Variants in KIAA0586 observed in about 807,000 individuals in gnomAD.
KIAA0586 encodes the protein KIAA0586, also known as protein TALPID3.
In KIAA0586, 144 loss-of-function variants were observed where a neutral mutation model predicts 169.8. That is an observed-to-expected ratio of 0.85 (90% CI 0.74 to 0.97). KIAA0586 has a LOEUF of 0.97. Among genes scored for constraint, KIAA0586 ranks in the 50% least tolerant of loss-of-function variants. The pLI is 0.00. For synonymous variants in KIAA0586, 625 were observed against 612.4 expected (o/e 1.02, Z -0.30); for missense variants, 1,854 against 1,823.0 (o/e 1.02, Z -0.31).
chr14:58,500,941 C>T (rs867038817), intron 27 of KIAA0586, among the ~76,000 whole-genome samples: 14 of 152,282 alleles, frequency 9.2e-5, no homozygotes, highest in Middle Eastern at 3.4e-3. Context: ...TTAAGTTTTT[C>T]ACCACTCTGT....
At position 58,477,120 on chromosome 14, in the gene KIAA0586, C is replaced by T; in HGVS notation, c.2826-3C>T. On this transcript the variant is annotated splice_polypyrimidine_tract_variant and splice_region_variant and intron_variant, in intron 19 of 30. Coordinates refer to ENST00000652326, the MANE Select transcript of KIAA0586 (RefSeq NM_001329943.3). The stretch of plus-strand genomic sequence containing the variant: ...ACTTTTATCTGCCCCACCATCCTCT[C>T]AGGGTAGAGCAAGAAATAATGTCAA... 1.3e-6 allele frequency: 2 copies of T among 1,499,664 alleles called. No individual in the cohort carries two copies. The highest frequency in any genetic ancestry group is 9.1e-7 in the Non-Finnish European group (1 of 1,094,740). The allele number at this position is 1,499,664 out of a possible 1,614,324, so 92.9% of individuals were successfully genotyped here.
At chr14:58,526,631 A>G (rs1265564694) in intron 29 of KIAA0586, among the ~76,000 whole-genome samples, 1 of 152,210 alleles carries the variant, frequency 6.6e-6, no homozygotes, top group African/African-American at 2.4e-5. Flanking sequence ...GAAAATTCCC[A>G]AAACCAGAAC....
intron 6 of KIAA0586, among the ~76,000 whole-genome samples, chr14:58,447,096 G>A (rs2038958631): frequency 6.6e-6 from 1 of 152,122 alleles, no homozygotes; most frequent in Non-Finnish European, 1.5e-5. Flanking sequence ...TACTTATAAA[G>A]CTTATAATTA....
At chr14:58,560,221 C>G in the KIAA0586 span, among the ~76,000 whole-genome samples, 10 of 151,802 alleles carry the variant, frequency 6.6e-5, no homozygotes, top group South Asian at 2.1e-3. Context: ...TGGGAGGGCC[C>G]AGGTGATTCT....
chr14:58,522,416 A>G (rs1169311652), intron 29 of KIAA0586, among the ~76,000 whole-genome samples: 2 of 152,228 alleles, frequency 1.3e-5, no homozygotes, highest in African/African-American at 4.8e-5. Context: ...AGTTAGAAGT[A>G]TGTGTATTAC....
In KIAA0586 at chr14:58,477,123, G is replaced by T; in HGVS notation, c.2826G>T (p.Trp942Cys). 6.6e-7 allele frequency: 1 copy of T among 1,523,152 alleles called. No individual in the cohort carries two copies. The highest frequency in any genetic ancestry group is 9.0e-7 in the Non-Finnish European group (1 of 1,115,228). The allele number at this position is 1,523,152 out of a possible 1,614,324, so 94.4% of individuals were successfully genotyped here. The stretch of plus-strand genomic sequence containing the variant: ...TTTATCTGCCCCACCATCCTCTCAG[G>T]GTAGAGCAAGAAATAATGTCAAGAA... Reference protein sequence around the residue: ...KETLENSLIQWVEQEIMSRII... With the variant: ...KETLENSLIQCVEQEIMSRII... Residue 942 changes from tryptophan to cysteine, a missense_variant and splice_region_variant, in exon 20 of 31, where the codon TGG becomes TGT. Coordinates refer to ENST00000652326, the MANE Select transcript of KIAA0586 (RefSeq NM_001329943.3).
intron 14 of KIAA0586, among the ~76,000 whole-genome samples, chr14:58,461,419 T>C (rs1435435887): frequency 6.6e-6 from 1 of 152,038 alleles, no homozygotes; most frequent in Non-Finnish European, 1.5e-5. Context: ...AATTTTTATT[T>C]AGGAGAAAAT....
chr14:58,530,423 G>A (rs1015200510), intron 29 of KIAA0586, among the ~76,000 whole-genome samples: 3 of 152,108 alleles, frequency 2.0e-5, no homozygotes, highest in Admixed American at 6.5e-5. Context: ...GAGGCATCAC[G>A]CTACCTGACT....
At position 58,474,760 on chromosome 14, in the gene KIAA0586, G is replaced by A; in HGVS notation, c.2788G>A (p.Glu930Lys). ...PTADILDKVI[E>K]RKETLENSLI... ...TGCTGATATTCTGGATAAAGTAATT[G>A]AGAGAAAAGAAACACTGGAAAATAG... Residue 930 changes from glutamate to lysine, a missense_variant, in exon 19 of 31, where the codon GAG becomes AAG. By Grantham distance (56) the Glu-to-Lys change is moderately conservative. Coordinates refer to ENST00000652326, the MANE Select transcript of KIAA0586 (RefSeq NM_001329943.3). The A allele has an allele frequency of 1.2e-6, 2 of 1,608,992 alleles. No individual in the cohort carries two copies. The highest frequency in any genetic ancestry group is 2.2e-5 in the South Asian group (2 of 89,658).
intron 29 of KIAA0586, chr14:58,536,889 C>T (rs998924898): frequency 2.5e-4 from 61 of 248,762 alleles, no homozygotes; most frequent in African/African-American, 1.4e-3. Flanking sequence ...AATTTCTAGT[C>T]AGCATTGCTC....
intron 6 of KIAA0586, among the ~76,000 whole-genome samples, chr14:58,447,981 C>A (rs367796554): frequency 6.0e-4 from 92 of 152,236 alleles, no homozygotes; most frequent in African/African-American, 2.2e-3. Flanking sequence ...GTTTAAAATT[C>A]TCTGATTCAA....
At position 58,461,017 on chromosome 14, in the gene KIAA0586, A is replaced by G. The variant is rs1210187670; in HGVS notation, c.1916A>G (p.Asp639Gly). Residue 639 changes from aspartate (D) to glycine (G), a missense_variant, in exon 14 of 31, where the codon GAT becomes GGT. Coordinates refer to ENST00000652326, the MANE Select transcript of KIAA0586 (RefSeq NM_001329943.3). ...TTGAAAGCAACCACAGTAATACAAG[A>G]TGAAGATTATATGTTACAAGTCTAT... is the stretch of plus-strand genomic sequence containing the variant. ...GLLKATTVIQ[D>G]EDYMLQVYGK... The G allele has an allele frequency of 1.9e-6, 3 of 1,608,708 alleles. No homozygotes were observed. The highest frequency in any genetic ancestry group is 2.5e-6 in the Non-Finnish European group (3 of 1,178,192).
intron 21 of KIAA0586, 70 bp from the exon 22 acceptor site, chr14:58,486,937 T>A: frequency 1.6e-6 from 2 of 1,272,088 alleles, no homozygotes; most frequent in East Asian, 4.7e-5. Flanking sequence ...ATGAATGAGT[T>A]CATATTATTT....
At chr14:58,560,295 A>T in the KIAA0586 span, among the ~76,000 whole-genome samples, 1 of 152,234 alleles carries the variant, frequency 6.6e-6, no homozygotes, top group African/African-American at 2.4e-5. Flanking sequence ...TTCTTGAGTG[A>T]ACAAATGAAT....
At chr14:58,536,131 T>C (rs2046275113) in intron 29 of KIAA0586, among the ~76,000 whole-genome samples, 1 of 152,128 alleles carries the variant, frequency 6.6e-6, no homozygotes, top group Admixed American at 6.5e-5. Context: ...ATAAATGTCA[T>C]TTTATTTTAG....
chr14:58,431,109 C>T (rs566868951), intron 3 of KIAA0586, among the ~76,000 whole-genome samples: 1 of 152,200 alleles, frequency 6.6e-6, no homozygotes, highest in Non-Finnish European at 1.5e-5. Flanking sequence ...ACATTTATTA[C>T]GTAGTCTTAT....
At chr14:58,468,840 G>C (rs766853234) in intron 16 of KIAA0586, among the ~76,000 whole-genome samples, 3 of 152,196 alleles carry the variant, frequency 2.0e-5, no homozygotes, top group Non-Finnish European at 4.4e-5. Flanking sequence ...CAAATAATTA[G>C]AACACTCCAG....
intron 29 of KIAA0586, among the ~76,000 whole-genome samples, chr14:58,526,987 C>T (rs1286950856): frequency 1.3e-5 from 2 of 151,974 alleles, no homozygotes; most frequent in East Asian, 3.9e-4. Context: ...TAACTAGAAT[C>T]ACCAGTTTAG....
intron 19 of KIAA0586, among the ~76,000 whole-genome samples, chr14:58,475,504 G>A (rs1316107205): frequency 6.6e-6 from 1 of 151,926 alleles, no homozygotes; most frequent in African/African-American, 2.4e-5. Context: ...TACAAAGAGG[G>A]CACTGTTCTA....
Sources: allele counts gnomAD v4.1 joint callset (sites outside exome capture counted in the v4.1 genomes callset), GRCh38; gene constraint gnomAD v4.1.1; transcripts MANE v1.5; gene names NCBI Gene and HGNC (gene_info 2026-07-23, HGNC 2026-07-21).